GULP1: variants seen among roughly 807,000 people sequenced by gnomAD.
The protein encoded by GULP1 is PTB domain-containing engulfment adapter protein 1.
Under a neutral mutation model 40.9 loss-of-function variants are expected in GULP1, and 19 were observed. That is an observed-to-expected ratio of 0.46 (90% CI 0.32 to 0.68). GULP1 has a LOEUF of 0.68. Among genes scored for constraint, GULP1 ranks in the 30% least tolerant of loss-of-function variants. The pLI, the probability that GULP1 is intolerant of heterozygous loss-of-function variation, is 0.03. For synonymous variants in GULP1, 119 were observed against 117.6 expected, an observed-to-expected ratio of 1.01 and a Z score of -0.08; for missense variants, 312 against 362.2, an observed-to-expected ratio of 0.86 and a Z score of 1.12.
chr2:188,405,779 C>T lies in GULP1; in HGVS notation c.-45+21890C>T, dbSNP rs539538486. 1.2e-3 allele frequency among the ~76,000 whole-genome samples: 180 copies of T among 152,322 alleles called. 1 individual carries two copies. The highest frequency in any genetic ancestry group is 1.4e-3 in the Non-Finnish European group (93 of 68,024). Reference sequence around the variant, plus strand: ...CCTGTGGACCATACCAAATGATCTACTCAGAATTTCTGGATGGGCTGATTG... The same window carrying T: ...CCTGTGGACCATACCAAATGATCTATTCAGAATTTCTGGATGGGCTGATTG... On this transcript the variant is annotated intron_variant, in intron 2 of 11. Coordinates refer to ENST00000409830, the MANE Select transcript of GULP1 (RefSeq NM_016315.4).
At chr2:188,428,879 A>C (rs1559230453) in intron 2 of GULP1, among the ~76,000 whole-genome samples, 1 of 152,060 alleles carries the variant, frequency 6.6e-6, no homozygotes, top group East Asian at 1.9e-4. Context: ...CTTTAAAAAA[A>C]AGTGTGTTTT....
intron 1 of GULP1, among the ~76,000 whole-genome samples, chr2:188,381,453 T>C (rs116510021): frequency 0.011 from 1,736 of 152,272 alleles, 14 homozygotes; most frequent in Non-Finnish European, 0.02. Flanking sequence ...TATTAAATTT[T>C]GGAATTAGAT....
At chr2:188,460,135 T>C (rs1559266254) in intron 2 of GULP1, among the ~76,000 whole-genome samples, 1 of 152,180 alleles carries the variant, frequency 6.6e-6, no homozygotes, top group Non-Finnish European at 1.5e-5. Context: ...GGGTCTTTTA[T>C]GGTTTCATAC....
At chr2:188,523,146 A>G (rs1254878379) in intron 5 of GULP1, among the ~76,000 whole-genome samples, 7 of 152,188 alleles carry the variant, frequency 4.6e-5, no homozygotes, top group Admixed American at 1.3e-4. Flanking sequence ...ATGTGAACCT[A>G]TGTCCCAAAT....
At chr2:188,420,902 G>A (rs1244463007) in intron 2 of GULP1, among the ~76,000 whole-genome samples, 2 of 152,130 alleles carry the variant, frequency 1.3e-5, no homozygotes, top group African/African-American at 4.8e-5. Flanking sequence ...TTGGCTTGAA[G>A]GTTAAGTTTC....
intron 1 of GULP1, among the ~76,000 whole-genome samples, chr2:188,369,203 C>T (rs1210640493): frequency 3.3e-5 from 5 of 151,234 alleles, no homozygotes. Context: ...TCAGGTGATC[C>T]GCCTGCCTCG....
chr2:188,488,270 A>G (rs375519653), intron 4 of GULP1, among the ~76,000 whole-genome samples: 9 of 152,060 alleles, frequency 5.9e-5, no homozygotes, highest in African/African-American at 2.2e-4. Context: ...TAATTAGAGC[A>G]GCCATTTCTG....
At chr2:188,296,694 CT>C (rs1005187793) in intron 1 of GULP1, among the ~76,000 whole-genome samples, 26 of 151,916 alleles carry the variant, frequency 1.7e-4, no homozygotes, top group Non-Finnish European at 2.5e-4. Context: ...ATTAATATGG[CT>C]TTTTAAAGGA....
At chr2:188,450,328 A>G (rs539152257) in intron 2 of GULP1, among the ~76,000 whole-genome samples, 1 of 152,298 alleles carries the variant, frequency 6.6e-6, no homozygotes, top group South Asian at 2.1e-4. Context: ...CTCTAGGTTT[A>G]TAATAAATAA....
At position 188,441,337 on chromosome 2, in the gene GULP1, A is replaced by G. The variant is rs2057915847; in HGVS notation, c.-44-36322A>G. Among the ~76,000 whole-genome samples, 4 of 152,136 alleles carry G rather than the reference A, an allele frequency of 2.6e-5. No individual in the cohort carries two copies. In the South Asian group the frequency reaches 8.3e-4, roughly 31 times the overall value. Reference sequence around the variant, plus strand: ...TTCAGTGAATCATGTTGACAAAATAAATGTTTATTATGATCTGTAGAGTTT... The same window carrying G: ...TTCAGTGAATCATGTTGACAAAATAGATGTTTATTATGATCTGTAGAGTTT... On this transcript the variant is annotated intron_variant, in intron 2 of 11. Transcript: ENST00000409830.
intron 1 of GULP1, among the ~76,000 whole-genome samples, chr2:188,357,819 A>G (rs954334798): frequency 1.3e-5 from 2 of 152,194 alleles, no homozygotes; most frequent in Admixed American, 1.3e-4. Flanking sequence ...CTTAGTGTAC[A>G]TAAACAGATG....
intron 2 of GULP1, among the ~76,000 whole-genome samples, chr2:188,394,491 T>G (rs2050957549): frequency 6.6e-6 from 1 of 152,168 alleles, no homozygotes; most frequent in South Asian, 2.1e-4. Context: ...TTGAGTAGCT[T>G]AATTATCAAC....
intron 1 of GULP1, among the ~76,000 whole-genome samples, chr2:188,338,119 C>T (rs74601566): frequency 0.022 from 3,414 of 151,844 alleles, 139 homozygotes; most frequent in African/African-American, 0.078. Context: ...TACAAAGATA[C>T]TACCTTCCCT....
intron 6 of GULP1, among the ~76,000 whole-genome samples, chr2:188,538,175 T>G (rs986806840): frequency 6.6e-6 from 1 of 152,064 alleles, no homozygotes; most frequent in Admixed American, 6.6e-5. Flanking sequence ...TTTTTTTCTC[T>G]CAATTTCATT....
At chr2:188,342,236 G>A (rs2152178893) in intron 1 of GULP1, among the ~76,000 whole-genome samples, 1 of 152,278 alleles carries the variant, frequency 6.6e-6, no homozygotes, top group East Asian at 1.9e-4. Flanking sequence ...TGGTTTGGCA[G>A]GGTTGGTTTC....
At chr2:188,472,058 T>C (rs2060633159) in intron 2 of GULP1, among the ~76,000 whole-genome samples, 1 of 152,204 alleles carries the variant, frequency 6.6e-6, no homozygotes, top group Non-Finnish European at 1.5e-5. Flanking sequence ...GGATAAAAGA[T>C]TTTTTTCCTT....
intron 1 of GULP1, among the ~76,000 whole-genome samples, chr2:188,298,981 T>C (rs2105991836): frequency 6.6e-6 from 1 of 152,312 alleles, no homozygotes; most frequent in Non-Finnish European, 1.5e-5. Flanking sequence ...GGGATCTTAC[T>C]ATTAATGCAG....
At chr2:188,312,054 A>G (rs985701151) in intron 1 of GULP1, among the ~76,000 whole-genome samples, 3 of 151,990 alleles carry the variant, frequency 2.0e-5, no homozygotes, top group Admixed American at 6.6e-5. Flanking sequence ...AGGTCTTTAT[A>G]GACAGCTCCT....
intron 4 of GULP1, chr2:188,491,487 A>T (rs1173636843): frequency 1.3e-5 from 2 of 152,072 alleles, no homozygotes; most frequent in African/African-American, 4.8e-5. Flanking sequence ...AGAGAAGTAA[A>T]ATGTGGCAGA....
Sources: gnomAD v4.1 joint callset for allele counts (sites outside exome capture counted in the v4.1 genomes callset) on GRCh38, gnomAD v4.1.1 for gene constraint, MANE v1.5 for transcripts, NCBI Gene and HGNC (gene_info 2026-07-23, HGNC 2026-07-21) for gene names.